PLCL1: variants seen among roughly 807,000 people sequenced by gnomAD.
PLCL1 encodes the protein phospholipase C like 1 (inactive).
PLCL1 carries 41 observed loss-of-function variants against 84.4 expected under a neutral mutation model. The ratio of observed to expected loss-of-function variants is 0.49; its 90% confidence interval spans 0.38 to 0.63. PLCL1 has a LOEUF of 0.63. PLCL1 is among the 30% of genes least tolerant of loss of function. PLCL1 has a pLI of 0.00. For missense variants in PLCL1, 1,206 were observed against 1,367.8 expected, an observed-to-expected ratio of 0.88 and a Z score of 1.87; for synonymous variants, 490 against 488.3, an observed-to-expected ratio of 1.00 and a Z score of -0.05.
intron 5 of PLCL1, among the ~76,000 whole-genome samples, chr2:198,130,633 C>T (rs1559115178): frequency 1.3e-5 from 2 of 152,122 alleles, no homozygotes; most frequent in Non-Finnish European, 2.9e-5. Context: ...TGCTTATCCT[C>T]AGTGACACCT....
intron 1 of PLCL1, among the ~76,000 whole-genome samples, chr2:197,918,881 C>T (rs938860312): frequency 1.3e-5 from 2 of 151,544 alleles, no homozygotes; most frequent in Non-Finnish European, 2.9e-5. Flanking sequence ...GTTGAGGCTG[C>T]AGTGAGCTGT....
At chr2:197,981,606 T>C (rs892147886) in intron 1 of PLCL1, among the ~76,000 whole-genome samples, 2 of 152,220 alleles carry the variant, frequency 1.3e-5, no homozygotes, top group Non-Finnish European at 2.9e-5. Flanking sequence ...TTCCATCTTG[T>C]TCTTACGTAG....
intron 1 of PLCL1, among the ~76,000 whole-genome samples, chr2:197,971,252 G>T (rs1261517683): frequency 6.6e-6 from 1 of 152,230 alleles, no homozygotes; most frequent in Non-Finnish European, 1.5e-5. Flanking sequence ...GAGCTGCCAT[G>T]AAGTCCTTCT....
intron 5 of PLCL1, among the ~76,000 whole-genome samples, chr2:198,141,518 TTTTGA>T (rs1226173472): frequency 6.6e-6 from 1 of 151,820 alleles, no homozygotes; most frequent in Admixed American, 6.5e-5. Flanking sequence ...ATCAAAACAT[TTTTGA>T]TTTGTTGTTT....
intron 1 of PLCL1, among the ~76,000 whole-genome samples, chr2:198,050,960 G>T (rs1230194622): frequency 1.3e-5 from 2 of 152,188 alleles, no homozygotes; most frequent in Non-Finnish European, 2.9e-5. Flanking sequence ...ATATTTCAAA[G>T]TGCTATGCCA....
chr2:197,947,528 C>T (rs916192556), intron 1 of PLCL1, among the ~76,000 whole-genome samples: 12 of 151,982 alleles, frequency 7.9e-5, no homozygotes, highest in South Asian at 6.2e-4. Flanking sequence ...ACCTTAATGA[C>T]GAGAAGCAAC....
intron 1 of PLCL1, among the ~76,000 whole-genome samples, chr2:197,944,221 C>A (rs1689225551): frequency 7.7e-6 from 1 of 129,634 alleles, no homozygotes; most frequent in Non-Finnish European, 1.7e-5. Context: ...AGTCTTTTTT[C>A]TTTTTTCTGA....
chr2:197,809,213 C>T (rs1385847916), intron 1 of PLCL1, among the ~76,000 whole-genome samples: 3 of 152,148 alleles, frequency 2.0e-5, no homozygotes, highest in South Asian at 2.1e-4. Context: ...AGCTTTCGTA[C>T]GTTTGTATCA....
chr2:198,110,001 A>C (rs1040808759), intron 5 of PLCL1, among the ~76,000 whole-genome samples: 8 of 151,712 alleles, frequency 5.3e-5, no homozygotes, highest in Admixed American at 4.6e-4. Context: ...TAATCACTAG[A>C]GCTTAAAGAG....
At chr2:198,055,360 A>T (rs1692041641) in intron 1 of PLCL1, among the ~76,000 whole-genome samples, 1 of 64,656 alleles carries the variant, frequency 1.5e-5, no homozygotes, top group Non-Finnish European at 3.0e-5. Flanking sequence ...TATGAGAGAG[A>T]GAGAAAGAGA....
intron 1 of PLCL1, among the ~76,000 whole-genome samples, chr2:197,815,332 G>T (rs918240180): frequency 6.6e-6 from 1 of 152,148 alleles, no homozygotes; most frequent in African/African-American, 2.4e-5. Flanking sequence ...TATGTTTATA[G>T]CATGATATAC....
chr2:198,064,134 G>A (rs1055107315), intron 1 of PLCL1, among the ~76,000 whole-genome samples: 4 of 152,180 alleles, frequency 2.6e-5, no homozygotes, highest in Non-Finnish European at 4.4e-5. Flanking sequence ...GGAGCTCTGG[G>A]AGACAGGCAA....
At chr2:197,917,640 TG>T (rs1396523424) in intron 1 of PLCL1, among the ~76,000 whole-genome samples, 2 of 151,998 alleles carry the variant, frequency 1.3e-5, no homozygotes, top group African/African-American at 4.8e-5. Flanking sequence ...TTTAAGGGGT[TG>T]GGGGATCCTA....
intron 5 of PLCL1, among the ~76,000 whole-genome samples, chr2:198,104,644 T>G (rs1179030078): frequency 1.3e-5 from 2 of 152,094 alleles, no homozygotes; most frequent in African/African-American, 4.8e-5. Flanking sequence ...TGAATGAATT[T>G]ACATTCCCAC....
intron 1 of PLCL1, among the ~76,000 whole-genome samples, chr2:197,833,438 C>T (rs1350684383): frequency 1.3e-5 from 2 of 152,210 alleles, no homozygotes; most frequent in Admixed American, 6.5e-5. Flanking sequence ...CCCATCTTCT[C>T]TGCCCAGGAT....
intron 1 of PLCL1, among the ~76,000 whole-genome samples, chr2:197,841,643 T>G (rs976661452): frequency 1.3e-5 from 2 of 152,248 alleles, no homozygotes; most frequent in Non-Finnish European, 1.5e-5. Context: ...TACTTCTGAG[T>G]TTTGGCAATT....
chr2:198,125,218 C>T (rs1693957273), intron 5 of PLCL1, among the ~76,000 whole-genome samples: 1 of 152,134 alleles, frequency 6.6e-6, no homozygotes, highest in African/African-American at 2.4e-5. Context: ...GTATAAATCT[C>T]ATCTTAGTCT....
In PLCL1 at chr2:197,854,047, T is replaced by A. The variant is rs534583820; in HGVS notation, c.240+48708T>A. On this transcript the variant is annotated intron_variant, in intron 1 of 5. Coordinates refer to ENST00000428675, the MANE Select transcript of PLCL1 (RefSeq NM_006226.4). ...TGGGGACCCATGCTGGGTCTGAGAA[T>A]CTGAATTTTAACATTCCCCTTGGGT... 7.2e-5 allele frequency among the ~76,000 whole-genome samples: 11 copies of A among 152,250 alleles called. No homozygotes were observed. The South Asian group carries it at 2.1e-3, about 29-fold the overall frequency.
At chr2:198,130,851 A>C (rs2105936129) in intron 5 of PLCL1, among the ~76,000 whole-genome samples, 1 of 152,148 alleles carries the variant, frequency 6.6e-6, no homozygotes, top group South Asian at 2.1e-4. Flanking sequence ...GTTAGTGAAA[A>C]GTCATTTCTC....
Sources: gnomAD v4.1 joint callset for allele counts (sites outside exome capture counted in the v4.1 genomes callset) on GRCh38, gnomAD v4.1.1 for gene constraint, MANE v1.5 for transcripts, NCBI Gene and HGNC (gene_info 2026-07-23, HGNC 2026-07-21) for gene names.